Variants in ASCC3 observed in about 807,000 individuals in gnomAD.
The protein encoded by ASCC3 is activating signal cointegrator 1 complex subunit 3, also known as ASC-1 complex subunit P200.
A neutral mutation model predicts 256.3 loss-of-function variants in ASCC3; 158 were observed. The ratio of observed to expected loss-of-function variants is 0.62; its 90% CI spans 0.54 to 0.70. The LOEUF is 0.70. Ranked by LOEUF, ASCC3 falls within the 30% of genes least tolerant of loss-of-function variation. The pLI, the probability that ASCC3 is intolerant of heterozygous loss-of-function variation, is 0.00. For missense variants in ASCC3, 2,259 were observed against 2,626.0 expected, an observed-to-expected ratio of 0.86 and a Z score of 3.05; for synonymous variants, 948 against 883.4, an observed-to-expected ratio of 1.07 and a Z score of -1.30.
chr6:100,512,283 G>T (rs1773801983), intron 40 of ASCC3, among the ~76,000 whole-genome samples: 1 of 152,136 alleles, frequency 6.6e-6, no homozygotes, highest in Non-Finnish European at 1.5e-5. Flanking sequence ...GTATACCAAA[G>T]TGCCTCTAGG....
At chr6:100,701,367 T>G (rs2114999405) in intron 13 of ASCC3, among the ~76,000 whole-genome samples, 1 of 152,294 alleles carries the variant, frequency 6.6e-6, no homozygotes, top group African/African-American at 2.4e-5. Flanking sequence ...GCTCTCTCTC[T>G]TTGCCTGCCA....
In ASCC3 at chr6:100,655,827, C is replaced by G. The variant is rs1464604533; in HGVS notation, c.2704-9G>C. On this transcript the variant is annotated splice_polypyrimidine_tract_variant and intron_variant, in intron 16 of 41. Transcript: ENST00000369162. ...ACTGTTCCCAGAGCAATCTGCAAAT[C>G]AAAAAGATGACAGAAATTAATGTAT... The G allele has an allele frequency of 6.2e-7, 1 of 1,609,918 alleles. No homozygotes were observed. Among genetic ancestry groups the G allele is most frequent in the South Asian group, 1.1e-5 (1 of 90,986 alleles).
At chr6:100,851,946 C>T (rs1285207010) in intron 3 of ASCC3, among the ~76,000 whole-genome samples, 2 of 152,140 alleles carry the variant, frequency 1.3e-5, no homozygotes, top group African/African-American at 2.4e-5. Context: ...GGGCAACCAC[C>T]CCGGCTTGTC....
Position 100,798,971 on chromosome 6 carries a change from T to C in ASCC3, c.1270-133A>G, listed in dbSNP as rs544995398. ...CACTGGTAAATAAACTTAGCTAATT[T>C]AAAAGAAAACAAACTTAAATAAAAC... On this transcript the variant is annotated intron_variant, in intron 7 of 41. Transcript: ENST00000369162. The C allele has an allele frequency of 5.5e-5, 48 of 874,420 alleles. 1 individual carries two copies. In the African/African-American group the frequency reaches 7.4e-4, roughly 13 times the overall value. The allele number at this position is 874,420 out of a possible 1,614,324, so 54.2% of individuals were successfully genotyped here. A position where few individuals can be genotyped will look rare whatever the true frequency, so the allele number is the denominator to read the frequency against.
At chr6:100,674,156 A>T (rs559705065) in intron 14 of ASCC3, among the ~76,000 whole-genome samples, 105 of 152,100 alleles carry the variant, frequency 6.9e-4, no homozygotes, top group African/African-American at 1.2e-3. Flanking sequence ...ATTATCAAAA[A>T]TTTTTTTAAA....
At chr6:100,859,294 A>T in intron 3 of ASCC3, 1 of 774,716 alleles carries the variant, frequency 1.3e-6, no homozygotes, top group Non-Finnish European at 2.4e-6. Flanking sequence ...CTGCTTTGAT[A>T]ACTTCTCTGA....
intron 10 of ASCC3, among the ~76,000 whole-genome samples, chr6:100,763,286 A>T (rs1781498051): frequency 6.6e-6 from 1 of 152,216 alleles, no homozygotes; most frequent in Non-Finnish European, 1.5e-5. Context: ...CTGCAGAATT[A>T]GAGCAAGCAC....
intron 25 of ASCC3, among the ~76,000 whole-genome samples, chr6:100,633,196 A>G (rs1004807987): frequency 6.6e-6 from 1 of 152,124 alleles, no homozygotes; most frequent in African/African-American, 2.4e-5. Context: ...GTACCCTTCT[A>G]AGTAGCATGA....
At chr6:100,563,835 C>A (rs542850470) in intron 36 of ASCC3, among the ~76,000 whole-genome samples, 2 of 151,828 alleles carry the variant, frequency 1.3e-5, no homozygotes, top group Non-Finnish European at 2.9e-5. Flanking sequence ...AAATTGATAT[C>A]GATATTAAAA....
At chr6:100,600,605 T>A (rs1772556738) in intron 34 of ASCC3, among the ~76,000 whole-genome samples, 1 of 152,104 alleles carries the variant, frequency 6.6e-6, no homozygotes, top group Non-Finnish European at 1.5e-5. Flanking sequence ...CTTCTTAAGG[T>A]GTTAGTAGGT....
intron 36 of ASCC3, among the ~76,000 whole-genome samples, chr6:100,557,318 C>A (rs1484733159): frequency 2.0e-5 from 3 of 152,066 alleles, no homozygotes; most frequent in Non-Finnish European, 4.4e-5. Context: ...TTAGCTGGAT[C>A]TCATAAGTAC....
chr6:100,878,849 A>C lies in ASCC3; in HGVS notation c.-42+2212T>G, dbSNP rs549876578. ...GTTTCTCCCCATGCACCAAGCAAAC[A>C]ATCACTTCTGCAGCAGACATCAGAT... On this transcript the variant is annotated intron_variant, in intron 1 of 41. Coordinates refer to ENST00000369162, the MANE Select transcript of ASCC3 (RefSeq NM_006828.4). Among the ~76,000 whole-genome samples, 3 of 152,288 alleles carry C rather than the reference A, an allele frequency of 2.0e-5. No homozygotes were observed. The East Asian group carries it at 5.8e-4, about 29-fold the overall frequency.
chr6:100,736,433 G>A (rs1780171435), intron 10 of ASCC3, among the ~76,000 whole-genome samples: 1 of 151,856 alleles, frequency 6.6e-6, no homozygotes, highest in Non-Finnish European at 1.5e-5. Flanking sequence ...CCAGGGAGGC[G>A]GAGGTTTCAG....
intron 13 of ASCC3, among the ~76,000 whole-genome samples, chr6:100,688,080 A>G (rs1168401550): frequency 6.6e-6 from 1 of 152,106 alleles, no homozygotes; most frequent in South Asian, 2.1e-4. Context: ...TAAACTTAAC[A>G]GAGAAAGGCC....
At chr6:100,688,229 G>A (rs1469863189) in intron 13 of ASCC3, among the ~76,000 whole-genome samples, 1 of 150,680 alleles carries the variant, frequency 6.6e-6, no homozygotes, top group African/African-American at 2.4e-5. Context: ...GTAATTGATA[G>A]GACAGAAGAC....
intron 36 of ASCC3, among the ~76,000 whole-genome samples, chr6:100,562,563 T>A (rs1289968761): frequency 6.6e-6 from 1 of 152,078 alleles, no homozygotes; most frequent in Non-Finnish European, 1.5e-5. Context: ...AAACAAACAC[T>A]TTTTCCCACT....
At chr6:100,802,106 A>T (rs1243339210) in intron 5 of ASCC3, among the ~76,000 whole-genome samples, 1 of 151,820 alleles carries the variant, frequency 6.6e-6, no homozygotes, top group Non-Finnish European at 1.5e-5. Flanking sequence ...GTCTAATTAG[A>T]ACATACTGGA....
At chr6:100,842,207 A>G (rs1772176467) in intron 4 of ASCC3, among the ~76,000 whole-genome samples, 1 of 152,202 alleles carries the variant, frequency 6.6e-6, no homozygotes, top group Admixed American at 6.5e-5. Context: ...ACTTTTTCAT[A>G]AAGCACTAAT....
intron 4 of ASCC3, among the ~76,000 whole-genome samples, chr6:100,825,835 A>G (rs1412685477): frequency 6.6e-6 from 1 of 151,692 alleles, no homozygotes; most frequent in African/African-American, 2.4e-5. Context: ...TTGTCTTCTC[A>G]CTTTATTTCA....
Sources: gnomAD v4.1 joint callset for allele counts (sites outside exome capture counted in the v4.1 genomes callset) on GRCh38, gnomAD v4.1.1 for gene constraint, MANE v1.5 for transcripts, NCBI Gene and HGNC (gene_info 2026-07-23, HGNC 2026-07-21) for gene names.